The following CTNNA3 variants were observed in gnomAD, a reference collection of about 807,000 sequenced individuals.
CTNNA3 encodes the protein catenin alpha 3.
CTNNA3 carries 76 observed loss-of-function variants against 95.7 expected under a neutral mutation model. The ratio of observed to expected loss-of-function variants is 0.79; its 90% CI spans 0.66 to 0.96. The LOEUF is 0.96. Among genes scored for constraint, CTNNA3 ranks in the 40% least tolerant of loss-of-function variants. The probability of loss-of-function intolerance (pLI) is 0.00; values close to 1 mark genes in which losing one functional copy is unlikely to be tolerated. For synonymous variants in CTNNA3, 431 were observed against 374.4 expected, an observed-to-expected ratio of 1.15 and a Z score of -1.74; for missense variants, 1,191 against 1,089.8, an observed-to-expected ratio of 1.09 and a Z score of -1.31.
chr10:67,625,177 T>A (rs868521852), intron 2 of CTNNA3, among the ~76,000 whole-genome samples: 10 of 152,162 alleles, frequency 6.6e-5, no homozygotes, highest in African/African-American at 1.2e-4. Flanking sequence ...CTCAGCAAAG[T>A]TTTTCTTAAA....
chr10:67,025,223 T>C (rs868031128), intron 7 of CTNNA3, among the ~76,000 whole-genome samples: 2 of 151,696 alleles, frequency 1.3e-5, no homozygotes, highest in South Asian at 2.1e-4. Flanking sequence ...CACCCACCAA[T>C]TGGCACTGAA....
chr10:66,534,551 T>TTA (rs1841587051), intron 10 of CTNNA3, among the ~76,000 whole-genome samples: 1 of 149,394 alleles, frequency 6.7e-6, no homozygotes, highest in East Asian at 2.0e-4. Context: ...ACATTTATGT[T>TTA]TATATATATA....
intron 14 of CTNNA3, among the ~76,000 whole-genome samples, chr10:66,075,742 G>T (rs1302654373): frequency 6.6e-6 from 1 of 151,688 alleles, no homozygotes; most frequent in African/African-American, 2.4e-5. Flanking sequence ...AATTGTCCCA[G>T]AAAGGGGAAA....
intron 12 of CTNNA3, among the ~76,000 whole-genome samples, chr10:66,315,969 GT>G (rs2092095341): frequency 6.6e-6 from 1 of 151,982 alleles, no homozygotes; most frequent in African/African-American, 2.4e-5. Flanking sequence ...TTATTGATAG[GT>G]TCTTGAAAAC....
chr10:66,319,408 A>C (rs2092150983), intron 12 of CTNNA3, among the ~76,000 whole-genome samples: 1 of 152,130 alleles, frequency 6.6e-6, no homozygotes, highest in Non-Finnish European at 1.5e-5. Context: ...AGCTAGGGAT[A>C]ACCATGCGAT....
At chr10:66,604,788 C>CAAA (rs56886409) in intron 10 of CTNNA3, among the ~76,000 whole-genome samples, 6,522 of 135,876 alleles carry the variant, frequency 0.048, 478 homozygotes, top group African/African-American at 0.16. Flanking sequence ...AGGATAAAAG[C>CAAA]AAAAAAAAAA....
intron 6 of CTNNA3, among the ~76,000 whole-genome samples, chr10:67,197,579 AT>A: frequency 6.6e-6 from 1 of 152,258 alleles, no homozygotes; most frequent in East Asian, 1.9e-4. Context: ...CAGTTTCTCA[AT>A]AACAGCATCC....
intron 5 of CTNNA3, among the ~76,000 whole-genome samples, chr10:67,427,700 T>C (rs187117979): frequency 3.3e-4 from 50 of 152,158 alleles, no homozygotes; most frequent in Non-Finnish European, 6.6e-4. Flanking sequence ...ATCAATAAAA[T>C]GACCAGGGCA....
chr10:66,613,611 C>G (rs1336008940), intron 10 of CTNNA3, among the ~76,000 whole-genome samples: 2 of 152,074 alleles, frequency 1.3e-5, no homozygotes, highest in Non-Finnish European at 2.9e-5. Context: ...TGGTACTAAA[C>G]TTACATTTGA....
intron 7 of CTNNA3, among the ~76,000 whole-genome samples, chr10:66,861,018 G>A (rs1843900865): frequency 6.6e-6 from 1 of 152,120 alleles, no homozygotes; most frequent in African/African-American, 2.4e-5. Context: ...CCCTGAAAAT[G>A]TGGTCTCAGG....
intron 5 of CTNNA3, among the ~76,000 whole-genome samples, chr10:67,502,647 T>A (rs917505324): frequency 2.0e-5 from 3 of 152,212 alleles, no homozygotes; most frequent in Non-Finnish European, 4.4e-5. Context: ...GCTGCTGCCT[T>A]TCTTTCAGAG....
chr10:67,405,371 C>A (rs1394498334), intron 5 of CTNNA3, among the ~76,000 whole-genome samples: 1 of 151,892 alleles, frequency 6.6e-6, no homozygotes. Flanking sequence ...AAATAGAAAA[C>A]AGAAAAAAGC....
chr10:66,848,122 G>A (rs1054100627), intron 7 of CTNNA3, among the ~76,000 whole-genome samples: 1 of 152,060 alleles, frequency 6.6e-6, no homozygotes, highest in African/African-American at 2.4e-5. Flanking sequence ...ATGAGATTAG[G>A]GTAGATATAT....
chr10:66,356,496 T>C (rs142450761), intron 12 of CTNNA3, among the ~76,000 whole-genome samples: 1 of 152,172 alleles, frequency 6.6e-6, no homozygotes, highest in East Asian at 1.9e-4. Context: ...TTTCCAATTG[T>C]TCATTGCTAG....
At chr10:67,229,548 T>C (rs1225990730) in intron 5 of CTNNA3, among the ~76,000 whole-genome samples, 1 of 152,178 alleles carries the variant, frequency 6.6e-6, no homozygotes, top group Non-Finnish European at 1.5e-5. Context: ...ACTGATGATA[T>C]GATCGTTTAC....
intron 13 of CTNNA3, among the ~76,000 whole-genome samples, chr10:66,125,205 T>C (rs1357666792): frequency 6.6e-6 from 1 of 152,122 alleles, no homozygotes; most frequent in Non-Finnish European, 1.5e-5. Context: ...TAAAATTAAA[T>C]CTTTTTTTCT....
intron 1 of CTNNA3, among the ~76,000 whole-genome samples, chr10:67,720,964 A>T (rs1452955744): frequency 6.6e-6 from 1 of 152,188 alleles, no homozygotes; most frequent in East Asian, 1.9e-4. Context: ...AGAAAAAAAA[A>T]TGTTGAATAT....
intron 12 of CTNNA3, among the ~76,000 whole-genome samples, chr10:66,347,562 TGTGATCCTGCC>T (rs2092533086): frequency 2.6e-5 from 4 of 151,892 alleles, no homozygotes; most frequent in Non-Finnish European, 5.9e-5. Flanking sequence ...CACAGTAAGC[TGTGATCCTGCC>T]ACTGTACTCT....
intron 3 of CTNNA3, among the ~76,000 whole-genome samples, chr10:67,548,172 A>G (rs1194439717): frequency 2.6e-5 from 4 of 152,126 alleles, no homozygotes; most frequent in African/African-American, 9.7e-5. Context: ...GTTGTTTAAA[A>G]GAGTCTGGGA....
Sources: allele counts gnomAD v4.1 joint callset (sites outside exome capture counted in the v4.1 genomes callset), GRCh38; gene constraint gnomAD v4.1.1; transcripts MANE v1.5; gene names NCBI Gene and HGNC (gene_info 2026-07-23, HGNC 2026-07-21).